Variants in PLXNB2 observed in about 807,000 individuals in gnomAD.
The protein encoded by PLXNB2 is plexin B2.
In PLXNB2, 85 loss-of-function variants were observed where a neutral mutation model predicts 202.6. The ratio of observed to expected loss-of-function variants is 0.42; its 90% confidence interval spans 0.35 to 0.50. The LOEUF (loss-of-function observed/expected upper bound fraction) is 0.50, where lower values mean the gene tolerates loss of function less well. Among genes scored for constraint, PLXNB2 ranks in the 20% least tolerant of loss-of-function variants. The pLI is 0.02. For missense variants in PLXNB2, 2,063 were observed against 2,586.2 expected (o/e 0.80, Z 4.39); for synonymous variants, 1,239 against 1,137.6 (o/e 1.09, Z -1.79).
At chr22:50,280,167 C>A (rs1191994926) in intron 25 of PLXNB2, 96 bp from the exon 26 acceptor site, 3 of 1,000,100 alleles carry the variant, frequency 3.0e-6, no homozygotes, top group Non-Finnish European at 4.4e-6. Flanking sequence ...GCGCCAGCCT[C>A]GCCCCTGTCC....
intron 1 of PLXNB2, among the ~76,000 whole-genome samples, chr22:50,295,822 GGC>G (rs1346529482): frequency 6.6e-6 from 1 of 152,168 alleles, no homozygotes; most frequent in Non-Finnish European, 1.5e-5. Context: ...GGCCGGCTAA[GGC>G]TGGGTGCGGT....
chr22:50,302,486 C>A (rs901343019), intron 1 of PLXNB2, among the ~76,000 whole-genome samples: 1 of 152,156 alleles, frequency 6.6e-6, no homozygotes, highest in African/African-American at 2.4e-5. Context: ...AGGGCCTGGT[C>A]GAGAGCCACT....
chr22:50,304,109 G>A (rs1246566802), intron 1 of PLXNB2, among the ~76,000 whole-genome samples: 2 of 152,184 alleles, frequency 1.3e-5, no homozygotes, highest in Non-Finnish European at 2.9e-5. Context: ...CAGGATCTGG[G>A]CTGCAGAGGC....
rs1127000 is a variant in PLXNB2 at position 50,277,738 on chromosome 22, G to A, written c.5049C>T (p.Ser1683=). ...EDTIHIWKTN[S]LPLRFWVNIL... ...TGTTCACCCAGAACCGGAGCGGTAAGCTGAGGCAGAGCAGCAGGGAATGAG... is the reference window on the plus strand; with the variant it reads ...TGTTCACCCAGAACCGGAGCGGTAAACTGAGGCAGAGCAGCAGGGAATGAG... Residue 1683 remains serine (S), a splice_region_variant and synonymous_variant, in exon 33 of 37, where the codon AGC becomes AGT. Transcript: ENST00000359337. The A allele has an allele frequency of 0.57, 905,027 of 1,591,456 alleles. 261,719 individuals are homozygous for A. Among genetic ancestry groups the A allele is most frequent in the South Asian group, 0.64 (56,888 of 88,880 alleles).
chr22:50,283,015 G>A, intron 17 of PLXNB2, 35 bp downstream of exon 17: 2 of 1,591,434 alleles, frequency 1.3e-6, no homozygotes, highest in Non-Finnish European at 1.7e-6. Flanking sequence ...CAGGGCCAGG[G>A]CCAACCAGAC....
rs372225867 is a variant in PLXNB2, at chr22:50,289,854, G to A, written c.731C>T (p.Thr244Met). Residue 244 changes from threonine (T) to methionine (M), a missense_variant, in exon 3 of 37, where the codon ACG (threonine) becomes ATG (methionine). Physicochemically the swap from Thr to Met is moderately conservative, Grantham distance 81. Around this residue, in one of 2 missense-constraint regions of PLXNB2, gnomAD observed 1,303 missense variants for 1,476.8 expected, o/e 0.88. Transcript: ENST00000359337. The surrounding 1 kb of genome is among the most constrained non-coding windows in gnomAD (Gnocchi z 8.0). ...TTCTCTGCACATGCGTGCCAGCAGC[G>A]TGCGGTTCCGGGCCGGGTGCTTGTC... The part of the protein sequence containing the change: ...QQDKHPARNR[T>M]LLARMCREDP... 11 of 1,613,164 alleles carry A rather than the reference G, an allele frequency of 6.8e-6. No homozygotes were observed. The East Asian group carries it at 1.1e-4, about 16-fold the overall frequency.
At position 50,282,024 on chromosome 22, in the gene PLXNB2, C is replaced by G; in HGVS notation, c.3175G>C (p.Ala1059Pro). 3.1e-6 allele frequency: 5 copies of G among 1,613,016 alleles called. No homozygotes were observed. In the East Asian group the frequency reaches 1.1e-4, roughly 36 times the overall value. ...TAGGCCTCTGGCTCCTCAGGCACAG[C>G]CGGGGACAGGAAGACGACCTTGGTG... ...NDTKVVFLSP[A>P]VPEEPEAYNL... Residue 1059 changes from alanine to proline, a missense_variant, in exon 20 of 37, where the codon GCT becomes CCT. This residue lies in a region of PLXNB2 where 760 missense variants were observed against 1,109.4 expected (regional missense o/e 0.69). Transcript: ENST00000359337.
rs535849445 is a variant in PLXNB2 at position 50,301,356 on chromosome 22, C to T, written c.-74+6197G>A. The stretch of plus-strand genomic sequence containing the variant: ...AGCGCAATGAACCTACCGATGTCTC[C>T]GTGCTTCCTGAGGACCTCCTGTGGG... On this transcript the variant is annotated intron_variant, in intron 1 of 36. Transcript: ENST00000359337. 3.4e-5 allele frequency: 33 copies of T among 982,086 alleles called. No individual in the cohort carries two copies. The African/African-American group carries it at 4.5e-4, about 14-fold the overall frequency. The allele number at this position is 982,086 out of a possible 1,614,324, so 60.8% of individuals were successfully genotyped here.
At chr22:50,295,243 C>A (rs1366460371) in intron 1 of PLXNB2, among the ~76,000 whole-genome samples, 1 of 151,348 alleles carries the variant, frequency 6.6e-6, no homozygotes, top group African/African-American at 2.4e-5. Context: ...ATGGCATGAA[C>A]CCGGCCGATG....
chr22:50,291,303 G>A lies in PLXNB2; in HGVS notation c.-13-706C>T, dbSNP rs143928900. Among the ~76,000 whole-genome samples the A allele has an allele frequency of 2.6e-5, 4 of 152,288 alleles. No homozygotes were observed. Among genetic ancestry groups the A allele is most frequent in the Admixed American group, 1.3e-4 (2 of 15,304 alleles). ...GCACAGCCTCTGATGTGCGCACAGC[G>A]GAGGCAACAAGGGGACCTGGGGAGC... On this transcript the variant is annotated intron_variant, in intron 2 of 36. Coordinates refer to ENST00000359337, the MANE Select transcript of PLXNB2 (RefSeq NM_012401.4). The surrounding 1 kb of genome is among the most constrained non-coding windows in gnomAD (Gnocchi z 4.3).
intron 2 of PLXNB2, among the ~76,000 whole-genome samples, chr22:50,294,199 T>C (rs1450707430): frequency 1.3e-5 from 2 of 152,234 alleles, no homozygotes; most frequent in African/African-American, 4.8e-5. Flanking sequence ...GGACCCCCAC[T>C]TACGGGGCTG....
Position 50,278,988 on chromosome 22 carries a change from G to C in PLXNB2, c.4413C>G (p.Asp1471Glu). 1 of 1,612,082 alleles carries C rather than the reference G, an allele frequency of 6.2e-7. No homozygotes were observed. Among genetic ancestry groups the C allele is most frequent in the Non-Finnish European group, 8.5e-7 (1 of 1,178,990 alleles). Reference protein sequence around the residue: ...APLTVSVIVQDEGVDAIPVKV... With the variant: ...APLTVSVIVQEEGVDAIPVKV... ...TCACCGGGATGGCGTCCACTCCCTC[G>C]TCCTGCACGATCACGCTCACCGTCT... The change falls in exon 28 of 37, where the codon GAC becomes GAG. Residue 1471 changes from aspartate to glutamate, a missense_variant. By Grantham distance (45) the Asp-to-Glu change is conservative. Transcript: ENST00000359337.
In PLXNB2 at chr22:50,296,229, C is replaced by CAA. The variant is rs1555926944; in HGVS notation, c.-73-1453_-73-1452dup. Among the ~76,000 whole-genome samples the CAA allele has an allele frequency of 2.1e-5, 3 of 145,808 alleles. 1 individual carries two copies. The highest frequency in any genetic ancestry group is 3.0e-5 in the Non-Finnish European group (2 of 67,600). On this transcript the variant is annotated intron_variant, in intron 1 of 36. Coordinates refer to ENST00000359337, the MANE Select transcript of PLXNB2 (RefSeq NM_012401.4). ...ACACACACACACACACACACACACA[C>CAA]AATAAAAAAGTTCAAGGAACTTGAA...
At position 50,275,157 on chromosome 22, in the gene PLXNB2, T is replaced by G; in HGVS notation, c.*547A>C. 1 of 309,006 alleles carries G rather than the reference T, an allele frequency of 3.2e-6. No individual in the cohort carries two copies. The highest frequency in any genetic ancestry group is 2.6e-5 in the South Asian group (1 of 38,178). The allele number at this position is 309,006 out of a possible 1,614,324, so 19.1% of individuals were successfully genotyped here. On this transcript the variant is annotated 3_prime_UTR_variant, in exon 37 of 37. Coordinates refer to ENST00000359337, the MANE Select transcript of PLXNB2 (RefSeq NM_012401.4). ...ACGTAGGACTTGACCTACGTCTCAC[T>G]TGACCTTTGACGTGGGGCCCAGCAG...
chr22:50,278,699 GT>G lies in PLXNB2; in HGVS notation c.4547-4del. ...CGCTGTGGAGCCCGGACGCCACTCT[GT>G]GGGAAGAGACAGCCCAGCTTGGGCC... On this transcript the variant is annotated splice_region_variant and splice_polypyrimidine_tract_variant and intron_variant, in intron 28 of 36. Transcript: ENST00000359337. 1 of 1,609,402 alleles carries G rather than the reference GT, an allele frequency of 6.2e-7. No homozygotes were observed.
At chr22:50,305,777 T>C (rs566354093) in intron 1 of PLXNB2, among the ~76,000 whole-genome samples, 4 of 152,210 alleles carry the variant, frequency 2.6e-5, no homozygotes, top group East Asian at 1.9e-4. Context: ...CAGACCACCA[T>C]TGAGACTTCT....
chr22:50,298,253 T>C (rs113557774), intron 1 of PLXNB2, among the ~76,000 whole-genome samples: 8,013 of 152,326 alleles, frequency 0.053, 698 homozygotes, highest in African/African-American at 0.18. Flanking sequence ...AACTCCGATG[T>C]AGGCCAAGGG....
rs1482465842 is a variant in PLXNB2 at position 50,275,511 on chromosome 22, G to C, written c.*193C>G. ...TGGGGCTGGGGCTGGTGCTGGTGCG[G>C]TGCCCGGCGGTATTGCTCAGAGGAA... On this transcript the variant is annotated 3_prime_UTR_variant, in exon 37 of 37. Transcript: ENST00000359337. 3.0e-6 allele frequency: 2 copies of C among 668,588 alleles called. No homozygotes were observed. Among genetic ancestry groups the C allele is most frequent in the Non-Finnish European group, 5.5e-6 (2 of 363,038 alleles). The allele number at this position is 668,588 out of a possible 1,614,324, so 41.4% of individuals were successfully genotyped here.
At chr22:50,301,765 A>T (rs1397916763) in intron 1 of PLXNB2, among the ~76,000 whole-genome samples, 2 of 152,200 alleles carry the variant, frequency 1.3e-5, no homozygotes, top group African/African-American at 4.8e-5. Flanking sequence ...AGTGAGCAGT[A>T]AGCAAGGCCT....
Sources: gnomAD v4.1 joint callset for allele counts (sites outside exome capture counted in the v4.1 genomes callset) on GRCh38, gnomAD v4.1.1 for gene constraint, gnomAD v4.1.1 regional missense constraint, Gnocchi (gnomAD v3.1) non-coding constraint, MANE v1.5 for transcripts, NCBI Gene and HGNC (gene_info 2026-07-23, HGNC 2026-07-21) for gene names.